The following CUL3 variants were observed in gnomAD, a reference collection of about 807,000 sequenced individuals.
CUL3 encodes cullin-3.
In CUL3, 19 loss-of-function variants were observed where a neutral mutation model predicts 89.1. That is an observed-to-expected ratio of 0.21 (90% CI 0.15 to 0.31). The LOEUF is 0.31. Among genes scored for constraint, CUL3 ranks in the 10% least tolerant of loss-of-function variants. The pLI, the probability that CUL3 is intolerant of heterozygous loss-of-function variation, is 1.00. For synonymous variants in CUL3, 351 were observed against 308.4 expected (o/e 1.14, Z -1.45); for missense variants, 469 against 942.3 (o/e 0.50, Z 6.58).
intron 13 of CUL3, among the ~76,000 whole-genome samples, chr2:224,488,356 A>G (rs1051330623): frequency 2.6e-5 from 4 of 152,214 alleles, no homozygotes; most frequent in Non-Finnish European, 2.9e-5. Context: ...AAGATTAAAA[A>G]ATAGATAAGA....
chr2:224,478,670 G>T, intron 14 of CUL3: 1 of 215,476 alleles, frequency 4.6e-6, no homozygotes, highest in South Asian at 8.6e-5. Context: ...CATTGCTTAT[G>T]ACTATCAGAG....
intron 2 of CUL3, among the ~76,000 whole-genome samples, chr2:224,553,371 A>G (rs1331778187): frequency 6.6e-6 from 1 of 152,218 alleles, no homozygotes; most frequent in Non-Finnish European, 1.5e-5. Context: ...AATAAATAAA[A>G]GAACATTTTC....
intron 14 of CUL3, chr2:224,479,742 G>C (rs1477821857): frequency 6.6e-6 from 1 of 152,186 alleles, no homozygotes; most frequent in African/African-American, 2.4e-5. Context: ...AAATTCTAAT[G>C]ACTGGTAAAC....
chr2:224,488,258 A>G (rs1225779715), intron 13 of CUL3, among the ~76,000 whole-genome samples: 1 of 151,700 alleles, frequency 6.6e-6, no homozygotes, highest in Non-Finnish European at 1.5e-5. Flanking sequence ...ACTGAAGGAG[A>G]TAAGAGAAAA....
At chr2:224,502,930 T>C (rs766648384) in intron 10 of CUL3, 35 bp downstream of exon 10, 3 of 1,463,426 alleles carry the variant, frequency 2.0e-6, no homozygotes, top group Non-Finnish European at 2.9e-6. Context: ...AGACTTTACA[T>C]GAATATCTAA....
chr2:224,474,449 C>T, intron 15 of CUL3, 73 bp from the exon 16 acceptor site: 1 of 1,256,350 alleles, frequency 8.0e-7, no homozygotes, highest in African/African-American at 1.5e-5. Flanking sequence ...ACTGATATGT[C>T]ATTTTAACAC....
intron 2 of CUL3, among the ~76,000 whole-genome samples, chr2:224,542,556 C>CGTGTGTGTGT (rs35806786): frequency 1.3e-5 from 2 of 150,488 alleles, no homozygotes; most frequent in African/African-American, 4.9e-5. Context: ...TGTGCGTGTG[C>CGTGTGTGTGT]GTGTGTGTGT....
chr2:224,513,714 G>A, intron 4 of CUL3, 76 bp from the exon 5 acceptor site: 1 of 1,006,526 alleles, frequency 9.9e-7, no homozygotes, highest in Non-Finnish European at 1.5e-6. Flanking sequence ...AAAAGGAGTA[G>A]GTAAAAATAT....
intron 3 of CUL3, among the ~76,000 whole-genome samples, chr2:224,529,482 A>T (rs1467150754): frequency 1.4e-5 from 2 of 143,510 alleles, no homozygotes; most frequent in African/African-American, 5.2e-5. Flanking sequence ...AAAAAAAATT[A>T]GCCGGGTGTG....
intron 2 of CUL3, among the ~76,000 whole-genome samples, chr2:224,552,250 T>TA (rs1694541779): frequency 6.6e-6 from 1 of 152,200 alleles, no homozygotes; most frequent in Non-Finnish European, 1.5e-5. Context: ...GAAAAAAAGT[T>TA]AAAAAACAAA....
intron 2 of CUL3, among the ~76,000 whole-genome samples, chr2:224,543,712 C>T (rs920564019): frequency 3.9e-5 from 6 of 152,276 alleles, no homozygotes; most frequent in South Asian, 2.1e-4. Flanking sequence ...CCTGGTGTGG[C>T]GGCTCAATGC....
At chr2:224,565,949 T>G (rs1695031306) in intron 1 of CUL3, among the ~76,000 whole-genome samples, 2 of 152,240 alleles carry the variant, frequency 1.3e-5, no homozygotes, top group Admixed American at 1.3e-4. Flanking sequence ...TTCAATGGTG[T>G]AACCCTTCCA....
chr2:224,551,343 C>T (rs1343787277), intron 2 of CUL3, among the ~76,000 whole-genome samples: 1 of 151,816 alleles, frequency 6.6e-6, no homozygotes, highest in Admixed American at 6.6e-5. Flanking sequence ...GTAGCTGGGA[C>T]TACAGGTGCC....
At chr2:224,577,521 A>G (rs988269312) in intron 1 of CUL3, among the ~76,000 whole-genome samples, 1 of 151,524 alleles carries the variant, frequency 6.6e-6, no homozygotes, top group African/African-American at 2.4e-5. Context: ...CTGAGCTGAG[A>G]TCACGCCACT....
chr2:224,522,882 G>C (rs1693321538), intron 3 of CUL3, among the ~76,000 whole-genome samples: 1 of 151,710 alleles, frequency 6.6e-6, no homozygotes. Context: ...AAACACAGTT[G>C]TGAAAATTTT....
At chr2:224,569,417 AT>A (rs1369964346) in intron 1 of CUL3, among the ~76,000 whole-genome samples, 4 of 152,224 alleles carry the variant, frequency 2.6e-5, no homozygotes, top group African/African-American at 7.2e-5. Context: ...GAAAAATATA[AT>A]TAAGGATTCT....
chr2:224,581,788 G>T (rs1695444343), intron 1 of CUL3, among the ~76,000 whole-genome samples: 1 of 151,898 alleles, frequency 6.6e-6, no homozygotes, highest in Non-Finnish European at 1.5e-5. Flanking sequence ...TAGGATTACA[G>T]GTGTGAAGGT....
intron 3 of CUL3, among the ~76,000 whole-genome samples, chr2:224,528,521 A>G (rs891269349): frequency 6.6e-6 from 1 of 151,592 alleles, no homozygotes; most frequent in African/African-American, 2.4e-5. Context: ...AGTCATGGAC[A>G]TATTTCGGGA....
chr2:224,537,773 C>T (rs1225127751), intron 2 of CUL3, among the ~76,000 whole-genome samples: 1 of 152,024 alleles, frequency 6.6e-6, no homozygotes, highest in African/African-American at 2.4e-5. Flanking sequence ...TTCTACATAC[C>T]GCTATATTAT....
Sources: allele counts gnomAD v4.1 joint callset (sites outside exome capture counted in the v4.1 genomes callset), GRCh38; gene constraint gnomAD v4.1.1; transcripts MANE v1.5; gene names NCBI Gene and HGNC (gene_info 2026-07-23, HGNC 2026-07-21).